The following ICA1 variants were observed in gnomAD, a reference collection of about 807,000 sequenced individuals.
The protein encoded by ICA1 is islet cell autoantigen 1.
A neutral mutation model predicts 71.0 loss-of-function variants in ICA1; 40 were observed. That is an observed-to-expected ratio of 0.56 (90% CI 0.44 to 0.73). The LOEUF (loss-of-function observed/expected upper bound fraction) is 0.73. ICA1 is among the 30% of genes least tolerant of loss of function. The probability of loss-of-function intolerance (pLI) is 0.00; values close to 1 mark genes in which losing one functional copy is unlikely to be tolerated. For synonymous variants in ICA1, 207 were observed against 209.5 expected (o/e 0.99, Z 0.10); for missense variants, 578 against 576.5 (o/e 1.00, Z -0.03).
intron 1 of ICA1, among the ~76,000 whole-genome samples, chr7:8,256,893 A>T (rs1310971120): frequency 6.6e-6 from 1 of 152,220 alleles, no homozygotes; most frequent in African/African-American, 2.4e-5. Flanking sequence ...ACTTAACATC[A>T]TTATGTCATC....
Position 8,250,543 on chromosome 7 carries a change from G to A in ICA1, c.-80+11551C>T, listed in dbSNP as rs534829641. On this transcript the variant is annotated intron_variant, in intron 1 of 13. Transcript: ENST00000402384. Reference sequence around the variant, plus strand: ...CAGCTTGTCCTTTTGGATTTTTGACGTGGACACGATTACCTGAGCATTCCA... The same window carrying A: ...CAGCTTGTCCTTTTGGATTTTTGACATGGACACGATTACCTGAGCATTCCA... Among the ~76,000 whole-genome samples the A allele has an allele frequency of 6.2e-4, 94 of 152,186 alleles. 1 individual carries two copies. In the South Asian group the frequency reaches 0.012, roughly 19 times the overall value.
intron 9 of ICA1, among the ~76,000 whole-genome samples, 172 bp downstream of exon 9, chr7:8,143,703 C>T (rs1336780004): frequency 1.3e-5 from 2 of 152,204 alleles, no homozygotes; most frequent in African/African-American, 2.4e-5. Flanking sequence ...GAGTCATGAC[C>T]TAGCAGGAGC....
intron 3 of ICA1, among the ~76,000 whole-genome samples, chr7:8,230,418 A>T (rs76726031): frequency 0.018 from 2,690 of 152,222 alleles, 77 homozygotes; most frequent in African/African-American, 0.061. Context: ...TTTTCACATC[A>T]TTTTTGTATA....
intron 6 of ICA1, among the ~76,000 whole-genome samples, chr7:8,206,686 T>G (rs1039506874): frequency 3.4e-5 from 5 of 148,898 alleles, no homozygotes; most frequent in Non-Finnish European, 5.9e-5. Context: ...CTGGAAGCAC[T>G]TGCGGTTGCC....
chr7:8,174,775 A>AAAAAAACAAAAAACCAAAG (rs1554310942), intron 6 of ICA1, among the ~76,000 whole-genome samples: 1 of 111,344 alleles, frequency 9.0e-6, no homozygotes, highest in African/African-American at 3.9e-5. Context: ...AAAAAAAAAA[A>AAAAAAACAAAAAACCAAAG]AAAACAGAGA....
rs190040250 is a variant in ICA1 at position 8,147,273 on chromosome 7, C to T, written c.805-3301G>A. 3.3e-5 allele frequency among the ~76,000 whole-genome samples: 5 copies of T among 152,230 alleles called. No homozygotes were observed. In the South Asian group the frequency reaches 6.2e-4, roughly 19 times the overall value. ...CAATCCTTTTGTAATGTAAACCACT[C>T]ACTCCTCCTTTTCAACCCCTTCCCC... On this transcript the variant is annotated intron_variant, in intron 8 of 13. Coordinates refer to ENST00000402384, the MANE Select transcript of ICA1 (RefSeq NM_001136020.3).
intron 6 of ICA1, among the ~76,000 whole-genome samples, chr7:8,203,354 T>A (rs1200906085): frequency 6.6e-6 from 1 of 152,174 alleles, no homozygotes; most frequent in East Asian, 1.9e-4. Flanking sequence ...AGTTAAGACA[T>A]AAGAAATCTT....
chr7:8,255,367 C>T (rs575676709), intron 1 of ICA1, among the ~76,000 whole-genome samples: 1 of 152,328 alleles, frequency 6.6e-6, no homozygotes, highest in South Asian at 2.1e-4. Flanking sequence ...TCTTCCTCTA[C>T]TTTTCAGGAA....
intron 1 of ICA1, among the ~76,000 whole-genome samples, chr7:8,248,835 C>T (rs1807078874): frequency 6.6e-6 from 1 of 152,148 alleles, no homozygotes; most frequent in Non-Finnish European, 1.5e-5. Context: ...ATCACTCATT[C>T]CTAAACACCA....
At chr7:8,229,763 T>A (rs1799687318) in intron 3 of ICA1, among the ~76,000 whole-genome samples, 1 of 152,254 alleles carries the variant, frequency 6.6e-6, no homozygotes, top group Admixed American at 6.5e-5. Flanking sequence ...AGAATATAAA[T>A]TTGCTAATTC....
intron 6 of ICA1, among the ~76,000 whole-genome samples, chr7:8,213,305 T>C (rs1794416392): frequency 6.6e-6 from 1 of 152,210 alleles, no homozygotes; most frequent in African/African-American, 2.4e-5. Context: ...CCTTTATATA[T>C]GAATTAAGCA....
chr7:8,152,897 C>CACCACA (rs1800029950), intron 8 of ICA1, among the ~76,000 whole-genome samples: 1 of 99,160 alleles, frequency 1.0e-5, no homozygotes, highest in South Asian at 3.7e-4. Context: ...CCACTACCAC[C>CACCACA]ATTATCTCCT....
At chr7:8,206,225 G>T (rs535423735) in intron 6 of ICA1, among the ~76,000 whole-genome samples, 1 of 152,136 alleles carries the variant, frequency 6.6e-6, no homozygotes, top group South Asian at 2.1e-4. Context: ...CTTCCTTCCT[G>T]CTATTTGGTG....
intron 6 of ICA1, among the ~76,000 whole-genome samples, chr7:8,205,131 G>T (rs1466109720): frequency 6.7e-6 from 1 of 149,258 alleles, no homozygotes; most frequent in East Asian, 2.0e-4. Context: ...TTTCAGCAGA[G>T]AATTAATGAA....
At chr7:8,121,580 G>T (rs1420383647) in intron 13 of ICA1, among the ~76,000 whole-genome samples, 1 of 152,218 alleles carries the variant, frequency 6.6e-6, no homozygotes, top group East Asian at 1.9e-4. Flanking sequence ...ATAGAAAGTA[G>T]AATGATGGTT....
At chr7:8,156,510 T>C (rs1375621659) in intron 8 of ICA1, 2 of 177,032 alleles carry the variant, frequency 1.1e-5, no homozygotes, top group Non-Finnish European at 2.3e-5. Context: ...AAACACTCCA[T>C]GTGCAGATCC....
intron 13 of ICA1, among the ~76,000 whole-genome samples, chr7:8,115,674 T>C (rs1478330299): frequency 1.3e-5 from 2 of 152,194 alleles, no homozygotes; most frequent in Non-Finnish European, 2.9e-5. Flanking sequence ...TTGATGATAA[T>C]GGAGTACACA....
intron 1 of ICA1, among the ~76,000 whole-genome samples, chr7:8,240,437 T>C (rs917710371): frequency 6.6e-6 from 1 of 151,742 alleles, no homozygotes; most frequent in Non-Finnish European, 1.5e-5. Flanking sequence ...AGACCAAGGG[T>C]AGATAAAACC....
In ICA1 at chr7:8,173,256, C is replaced by A. The variant is rs1023747941; in HGVS notation, c.580-14604G>T. The stretch of plus-strand genomic sequence containing the variant: ...ATGATTCTGAAATATTCGGTTGTAC[C>A]AGAAAGCAAAGAAGGCTATTACTGG... On this transcript the variant is annotated intron_variant, in intron 6 of 13. Transcript: ENST00000402384. The surrounding 1 kb of genome is among the most constrained non-coding windows in gnomAD (Gnocchi z 4.0). Among the ~76,000 whole-genome samples, 4 of 152,058 alleles carry A rather than the reference C, an allele frequency of 2.6e-5. No individual in the cohort carries two copies. In the South Asian group the frequency reaches 8.3e-4, roughly 32 times the overall value.
Sources: gnomAD v4.1 joint callset for allele counts (sites outside exome capture counted in the v4.1 genomes callset) on GRCh38, gnomAD v4.1.1 for gene constraint, Gnocchi (gnomAD v3.1) non-coding constraint, MANE v1.5 for transcripts, NCBI Gene and HGNC (gene_info 2026-07-23, HGNC 2026-07-21) for gene names.